DCHS2: variants seen among roughly 807,000 people sequenced by gnomAD.
DCHS2 encodes protocadherin-23.
Under a neutral mutation model 182.4 loss-of-function variants are expected in DCHS2, and 142 were observed. That is an observed-to-expected ratio of 0.78 (90% CI 0.68 to 0.89). DCHS2 has a LOEUF of 0.89. DCHS2 is among the 40% of genes least tolerant of loss of function. The pLI, the probability that DCHS2 is intolerant of heterozygous loss-of-function variation, is 0.00. For synonymous variants in DCHS2, 1,740 were observed against 1,663.3 expected (o/e 1.05, Z -1.12); for missense variants, 4,319 against 4,198.6 (o/e 1.03, Z -0.79).
Position 154,298,071 on chromosome 4 carries a change from C to G in DCHS2, c.6243G>C (p.Gln2081His), listed in dbSNP as rs1328837853. The change falls in exon 13 of 20, where the codon CAG becomes CAC. Residue 2081 changes from glutamine to histidine, a missense_variant. Gln to His is a conservative substitution (Grantham distance 24, BLOSUM62 0). Coordinates refer to ENST00000357232, the MANE Select transcript of DCHS2 (RefSeq NM_001358235.2). The part of the protein sequence containing the change: ...GTVVFSFAET[Q>H]SMFSIDKYTG... ...TGTATTTATCAATAGAAAACATTGA[C>G]TGGGTCTCTGCAAAACTAAAAACCA... is the stretch of plus-strand genomic sequence containing the variant. The G allele has an allele frequency of 6.2e-7, 1 of 1,613,980 alleles. No individual in the cohort carries two copies. Among genetic ancestry groups the G allele is most frequent in the Non-Finnish European group, 8.5e-7 (1 of 1,180,022 alleles).
At chr4:154,409,332 G>C (rs190489494) in intron 1 of DCHS2, among the ~76,000 whole-genome samples, 1 of 152,242 alleles carries the variant, frequency 6.6e-6, no homozygotes, top group East Asian at 1.9e-4. Flanking sequence ...CATCATCCCA[G>C]GGTCCAGAGT....
At chr4:154,457,639 G>A (rs1466080158) in intron 1 of DCHS2, among the ~76,000 whole-genome samples, 1 of 152,172 alleles carries the variant, frequency 6.6e-6, no homozygotes, top group Non-Finnish European at 1.5e-5. Flanking sequence ...GTTTTTTAGA[G>A]TATCTATGCC....
chr4:154,484,136 C>G (rs1264661548), intron 1 of DCHS2, among the ~76,000 whole-genome samples: 1 of 152,174 alleles, frequency 6.6e-6, no homozygotes, highest in East Asian at 1.9e-4. Flanking sequence ...ACTCCTTCCA[C>G]CAGTTTCTCA....
Position 154,332,585 on chromosome 4 carries a change from C to G in DCHS2, c.3623G>C (p.Gly1208Ala). ...AATAGCTGTAATTTTGCCTATTACCCCTTGGGGAACAGGGCTCTCTTCGAC... is the reference window on the plus strand; with the variant it reads ...AATAGCTGTAATTTTGCCTATTACCGCTTGGGGAACAGGGCTCTCTTCGAC... ...LKVEESPVPQ[G>A]VIGKITAIDM... Residue 1208 changes from glycine to alanine, a missense_variant, in exon 5 of 20, where the codon GGG (glycine) becomes GCG (alanine). Physicochemically the swap from Gly to Ala is moderately conservative, Grantham distance 60. Transcript: ENST00000357232. 6.2e-7 allele frequency: 1 copy of G among 1,614,128 alleles called. No homozygotes were observed. Among genetic ancestry groups the G allele is most frequent in the Non-Finnish European group, 8.5e-7 (1 of 1,180,014 alleles).
Position 154,333,327 on chromosome 4 carries a change from TGCAGGCTGGGGC to T in DCHS2, c.2869_2880del (p.Ala957_Cys960del). 6.2e-7 allele frequency: 1 copy of T among 1,614,164 alleles called. No homozygotes were observed. The highest frequency in any genetic ancestry group is 8.5e-7 in the Non-Finnish European group (1 of 1,180,012). On this transcript the variant is annotated inframe_deletion, in exon 5 of 20. Transcript: ENST00000357232. ...ACTGTTATGTTGACCTCGGTGCTGC[TGCAGGCTGGGGC>T]GCTGCCGAGCTGCGCCTGCACCGTG... is the stretch of plus-strand genomic sequence containing the variant.
At chr4:154,341,293 C>T (rs1016111347) in intron 3 of DCHS2, among the ~76,000 whole-genome samples, 1 of 146,724 alleles carries the variant, frequency 6.8e-6, no homozygotes, top group African/African-American at 2.5e-5. Context: ...GGCGTGAACC[C>T]GGGAAGTGGA....
chr4:154,325,557 C>A (rs550603686), intron 7 of DCHS2, among the ~76,000 whole-genome samples: 2 of 151,792 alleles, frequency 1.3e-5, no homozygotes, highest in African/African-American at 4.8e-5. Context: ...GCTAAGACAA[C>A]AAAAAGAGAA....
Position 154,377,409 on chromosome 4 carries a change from G to A in DCHS2, c.2088C>T (p.Gly696=), listed in dbSNP as rs1561077364. 6.2e-7 allele frequency: 1 copy of A among 1,613,362 alleles called. No homozygotes were observed. The highest frequency in any genetic ancestry group is 2.2e-5 in the East Asian group (1 of 44,866). ...CATCATAAAGAGAATATTCAATAAA[G>A]CCATAGAGTCCTGAATCTGCATCAG... ...TASDADSGLY[G]FIEYSLYDGF... is the part of the protein sequence containing the mutation. The change falls in exon 2 of 20, where the codon GGC becomes GGT. Residue 696 remains glycine, a synonymous_variant. Coordinates refer to ENST00000357232, the MANE Select transcript of DCHS2 (RefSeq NM_001358235.2).
chr4:154,293,902 T>A (rs1734788870), intron 13 of DCHS2, among the ~76,000 whole-genome samples: 1 of 152,216 alleles, frequency 6.6e-6, no homozygotes, highest in Admixed American at 6.5e-5. Flanking sequence ...CCCCAAGCTT[T>A]GTGCATGACA....
At chr4:154,366,808 G>A (rs139561257) in intron 2 of DCHS2, among the ~76,000 whole-genome samples, 238 of 152,306 alleles carry the variant, frequency 1.6e-3, no homozygotes, top group African/African-American at 5.5e-3. Context: ...AAAAATTTCA[G>A]AGTAGAGGCC....
intron 13 of DCHS2, 89 bp from the exon 14 acceptor site, chr4:154,270,102 C>T: frequency 2.1e-6 from 3 of 1,439,658 alleles, no homozygotes; most frequent in South Asian, 2.8e-5. Context: ...TATTATTTGC[C>T]TACTATGTTT....
chr4:154,247,010 T>C (rs1256799412), intron 16 of DCHS2, among the ~76,000 whole-genome samples: 1 of 152,138 alleles, frequency 6.6e-6, no homozygotes, highest in African/African-American at 2.4e-5. Flanking sequence ...ATTTTCCTTT[T>C]CAATAATACA....
intron 17 of DCHS2, among the ~76,000 whole-genome samples, 166 bp downstream of exon 17, chr4:154,242,471 TTTAAC>T (rs1731871928): frequency 6.6e-6 from 1 of 152,218 alleles, no homozygotes; most frequent in Non-Finnish European, 1.5e-5. Flanking sequence ...ACATTTAATA[TTTAAC>T]TTATGATCAT....
intron 1 of DCHS2, among the ~76,000 whole-genome samples, chr4:154,476,676 T>C (rs966951230): frequency 7.2e-5 from 11 of 152,200 alleles, no homozygotes; most frequent in Non-Finnish European, 1.0e-4. Context: ...GTAGGCAAGA[T>C]GGGTAAGGTC....
In DCHS2 at chr4:154,298,080, T is replaced by C; in HGVS notation, c.6234A>G (p.Ala2078=). The change falls in exon 13 of 20, where the codon GCA becomes GCG. Residue 2078 remains alanine, a synonymous_variant. Coordinates refer to ENST00000357232, the MANE Select transcript of DCHS2 (RefSeq NM_001358235.2). ...GPNGTVVFSF[A]ETQSMFSIDK... ...CAATAGAAAACATTGACTGGGTCTC[T>C]GCAAAACTAAAAACCACAGTTCCAT... 6.2e-7 allele frequency: 1 copy of C among 1,614,148 alleles called. No homozygotes were observed. Among genetic ancestry groups the C allele is most frequent in the Non-Finnish European group, 8.5e-7 (1 of 1,180,012 alleles).
At chr4:154,264,256 AT>A (rs1276940409) in intron 14 of DCHS2, among the ~76,000 whole-genome samples, 6 of 152,184 alleles carry the variant, frequency 3.9e-5, no homozygotes, top group African/African-American at 1.4e-4. Context: ...GGCACCATAA[AT>A]GACAGCAAGC....
intron 14 of DCHS2, 146 bp downstream of exon 14, chr4:154,269,754 A>G: frequency 1.2e-6 from 1 of 842,422 alleles, no homozygotes; most frequent in South Asian, 1.9e-5. Flanking sequence ...TTGATTTCCC[A>G]TAATTTTTCA....
chr4:154,437,248 C>T (rs553240601), intron 1 of DCHS2, among the ~76,000 whole-genome samples: 1 of 152,300 alleles, frequency 6.6e-6, no homozygotes, highest in South Asian at 2.1e-4. Context: ...AAGGAGACAC[C>T]TCCAAGTGAC....
At chr4:154,273,599 C>G (rs1192274797) in intron 13 of DCHS2, among the ~76,000 whole-genome samples, 2 of 151,588 alleles carry the variant, frequency 1.3e-5, no homozygotes, top group East Asian at 3.9e-4. Flanking sequence ...CCAAAACCTA[C>G]TGAAATAAAA....
Sources: gnomAD v4.1 joint callset for allele counts (sites outside exome capture counted in the v4.1 genomes callset) on GRCh38, gnomAD v4.1.1 for gene constraint, MANE v1.5 for transcripts, NCBI Gene and HGNC (gene_info 2026-07-23, HGNC 2026-07-21) for gene names.